FSTL4: variants seen among roughly 807,000 people sequenced by gnomAD.
FSTL4 encodes the protein follistatin-related protein 4.
Under a neutral mutation model 78.2 loss-of-function variants are expected in FSTL4, and 28 were observed. That is an observed-to-expected ratio of 0.36 (90% CI 0.27 to 0.49). The LOEUF is 0.49. Ranked by LOEUF, FSTL4 falls within the 20% of genes least tolerant of loss-of-function variation. The pLI, the probability that FSTL4 is intolerant of heterozygous loss-of-function variation, is 0.98. For synonymous variants in FSTL4, 422 were observed against 440.5 expected (o/e 0.96, Z 0.53); for missense variants, 922 against 1,084.9 (o/e 0.85, Z 2.11).
chr5:133,539,500 C>T (rs560569198), intron 3 of FSTL4, among the ~76,000 whole-genome samples: 4 of 152,132 alleles, frequency 2.6e-5, no homozygotes, highest in African/African-American at 4.8e-5. Context: ...AACAGTGGGG[C>T]GGCACAGGAC....
At chr5:133,202,915 A>G (rs1750377097) in intron 14 of FSTL4, among the ~76,000 whole-genome samples, 2 of 152,334 alleles carry the variant, frequency 1.3e-5, no homozygotes, top group African/African-American at 2.4e-5. Context: ...GCACAATGGC[A>G]GCTCTGAGCA....
chr5:133,240,144 A>G (rs943500733), intron 7 of FSTL4, among the ~76,000 whole-genome samples: 1 of 152,230 alleles, frequency 6.6e-6, no homozygotes. Context: ...CAGCGAGACC[A>G]CGAACCCACC....
the FSTL4 span, among the ~76,000 whole-genome samples, chr5:133,649,388 C>T: frequency 0.22 from 33,119 of 152,010 alleles, 3,838 homozygotes; most frequent in Admixed American, 0.29. Context: ...GGAGTGTGAT[C>T]ACTGAATCTT....
intron 1 of FSTL4, among the ~76,000 whole-genome samples, chr5:133,604,462 A>T (rs1760933420): frequency 6.6e-6 from 1 of 152,160 alleles, no homozygotes; most frequent in Non-Finnish European, 1.5e-5. Context: ...TAATCCCAGC[A>T]CTTTGGTAGG....
At chr5:133,829,849 G>A in the FSTL4 span, among the ~76,000 whole-genome samples, 1 of 152,156 alleles carries the variant, frequency 6.6e-6, no homozygotes, top group African/African-American at 2.4e-5. Context: ...CGGCCGGTCA[G>A]CTTCCCTCCA....
In FSTL4 at chr5:133,220,842, T is replaced by A; in HGVS notation, c.1364A>T (p.Tyr455Phe). 1 of 1,611,280 alleles carries A rather than the reference T, an allele frequency of 6.2e-7. No individual in the cohort carries two copies. Among genetic ancestry groups the A allele is most frequent in the Non-Finnish European group, 8.5e-7 (1 of 1,177,448 alleles). The change falls in exon 12 of 16, where the codon TAT (tyrosine) becomes TTT (phenylalanine). Residue 455 changes from tyrosine to phenylalanine, a missense_variant. Coordinates refer to ENST00000265342, the MANE Select transcript of FSTL4 (RefSeq NM_015082.2). ...GATGATACCGTCGTCGGAGAAGACA[T>A]AGAACATGTTTCCCACGCTGAGGCC... is the stretch of plus-strand genomic sequence containing the variant. ...EEGLSVGNMF[Y>F]VFSDDGIIVI... is the part of the protein sequence containing the mutation.
chr5:133,367,844 T>C lies in FSTL4; in HGVS notation c.409+32894A>G, dbSNP rs186069569. Among the ~76,000 whole-genome samples the C allele has an allele frequency of 3.6e-4, 55 of 152,324 alleles. 1 individual carries two copies. Among genetic ancestry groups the C allele is most frequent in the African/African-American group, 1.3e-3 (53 of 41,566 alleles). On this transcript the variant is annotated intron_variant, in intron 4 of 15. Coordinates refer to ENST00000265342, the MANE Select transcript of FSTL4 (RefSeq NM_015082.2). ...TGGGAGAGAACAAATCAAACACAGT[T>C]CCACAGGTGACACAGGATGTACCTG...
chr5:133,546,965 A>G (rs1343898756), intron 3 of FSTL4, among the ~76,000 whole-genome samples: 2 of 152,184 alleles, frequency 1.3e-5, no homozygotes, highest in African/African-American at 4.8e-5. Flanking sequence ...GATATTGTGA[A>G]CACCCTGGGG....
the FSTL4 span, among the ~76,000 whole-genome samples, chr5:133,712,146 A>G: frequency 6.6e-6 from 1 of 152,154 alleles, no homozygotes; most frequent in Non-Finnish European, 1.5e-5. Context: ...ACTGAGGCCA[A>G]CTCAGAGCTG....
At chr5:133,568,856 A>C (rs903235799) in intron 2 of FSTL4, among the ~76,000 whole-genome samples, 3 of 152,216 alleles carry the variant, frequency 2.0e-5, no homozygotes, top group Non-Finnish European at 4.4e-5. Context: ...GGTTACATAA[A>C]ATTTATAAAT....
At chr5:133,756,741 C>A in the FSTL4 span, among the ~76,000 whole-genome samples, 3 of 152,100 alleles carry the variant, frequency 2.0e-5, no homozygotes, top group Admixed American at 6.5e-5. Context: ...ATAGCAGGTG[C>A]TATATCCGGA....
At chr5:133,331,485 C>A (rs1754345509) in intron 4 of FSTL4, among the ~76,000 whole-genome samples, 1 of 152,146 alleles carries the variant, frequency 6.6e-6, no homozygotes, top group Non-Finnish European at 1.5e-5. Flanking sequence ...TCCACATTCA[C>A]CTGCGGAAGG....
chr5:133,752,909 C>T, the FSTL4 span, among the ~76,000 whole-genome samples: 1 of 152,022 alleles, frequency 6.6e-6, no homozygotes, highest in East Asian at 1.9e-4. Flanking sequence ...GCTCTGAGCC[C>T]CACACTTTCT....
At chr5:133,811,726 C>T in the FSTL4 span, among the ~76,000 whole-genome samples, 1 of 152,210 alleles carries the variant, frequency 6.6e-6, no homozygotes, top group Non-Finnish European at 1.5e-5. Flanking sequence ...CCTAAAGCCT[C>T]AGGTTTCCAG....
At chr5:133,655,455 C>A in the FSTL4 span, among the ~76,000 whole-genome samples, 1 of 152,152 alleles carries the variant, frequency 6.6e-6, no homozygotes, top group South Asian at 2.1e-4. Flanking sequence ...TCTTATTGGG[C>A]AATGACAGGT....
At chr5:133,767,067 A>G in the FSTL4 span, among the ~76,000 whole-genome samples, 1 of 152,224 alleles carries the variant, frequency 6.6e-6, no homozygotes, top group Non-Finnish European at 1.5e-5. Context: ...GGGTTCCTCT[A>G]GAAGCAGATC....
rs1370440163 is a variant in FSTL4 at position 133,225,952 on chromosome 5, T to A, written c.1016-133A>T. The A allele has an allele frequency of 6.9e-6, 4 of 578,426 alleles. No individual in the cohort carries two copies. 35.8% of individuals were successfully genotyped at this position (578,426 alleles called of 1,614,324 possible). A position where few individuals can be genotyped will look rare whatever the true frequency, so the allele number is the denominator to read the frequency against. On this transcript the variant is annotated intron_variant, in intron 8 of 15. Coordinates refer to ENST00000265342, the MANE Select transcript of FSTL4 (RefSeq NM_015082.2). The surrounding 1 kb of genome is among the most constrained non-coding windows in gnomAD (Gnocchi z 4.6). Reference sequence around the variant, plus strand: ...ACTGGAGTTCTGTGTTTAACCAAATTATAATAATCCTGTCCAGCAACGCAA... The same window carrying A: ...ACTGGAGTTCTGTGTTTAACCAAATAATAATAATCCTGTCCAGCAACGCAA...
intron 5 of FSTL4, among the ~76,000 whole-genome samples, 192 bp downstream of exon 5, chr5:133,316,267 T>G (rs1319438456): frequency 1.3e-5 from 2 of 152,218 alleles, no homozygotes; most frequent in Non-Finnish European, 2.9e-5. Context: ...TTTTGCCAGA[T>G]AGCTGAGAGG....
chr5:133,758,885 A>G, the FSTL4 span, among the ~76,000 whole-genome samples: 1 of 152,174 alleles, frequency 6.6e-6, no homozygotes, highest in Non-Finnish European at 1.5e-5. Flanking sequence ...CTGATAGCAG[A>G]CCTCAGTTCT....
Sources: allele counts gnomAD v4.1 joint callset (sites outside exome capture counted in the v4.1 genomes callset), GRCh38; gene constraint gnomAD v4.1.1; non-coding constraint Gnocchi (gnomAD v3.1); transcripts MANE v1.5; gene names NCBI Gene and HGNC (gene_info 2026-07-23, HGNC 2026-07-21).